AUTS2: variants seen among roughly 807,000 people sequenced by gnomAD.
The protein encoded by AUTS2 is autism susceptibility gene 2 protein.
AUTS2 carries 17 observed loss-of-function variants against 112.4 expected under a neutral mutation model. The ratio of observed to expected loss-of-function variants is 0.15; its 90% CI spans 0.10 to 0.23. The LOEUF (loss-of-function observed/expected upper bound fraction) is 0.23. Ranked by LOEUF, AUTS2 falls within the 10% of genes least tolerant of loss-of-function variation. The pLI, the probability that AUTS2 is intolerant of heterozygous loss-of-function variation, is 1.00. For synonymous variants in AUTS2, 751 were observed against 702.7 expected (o/e 1.07, Z -1.09); for missense variants, 1,510 against 1,701.6 (o/e 0.89, Z 1.98).
At chr7:70,460,674 G>C (rs1796927887) in intron 5 of AUTS2, among the ~76,000 whole-genome samples, 1 of 152,128 alleles carries the variant, frequency 6.6e-6, no homozygotes, top group Non-Finnish European at 1.5e-5. Flanking sequence ...AGTGGGGTCA[G>C]CTTCGGCTTC....
chr7:70,344,395 C>A (rs1791403645), intron 4 of AUTS2, among the ~76,000 whole-genome samples: 1 of 152,170 alleles, frequency 6.6e-6, no homozygotes, highest in Non-Finnish European at 1.5e-5. Context: ...TCCAATTTCT[C>A]ATATTCCTCA....
In AUTS2 at chr7:69,890,040, C is replaced by T. The variant is rs193080784; in HGVS notation, c.310-9246C>T. ...GGAGTTAATTTTTTTTTTAAGGTTT[C>T]CTTTTCGTCATGCTGTATTTCTCAG... On this transcript the variant is annotated intron_variant, in intron 1 of 18. Transcript: ENST00000342771. Among the ~76,000 whole-genome samples, 503 of 152,012 alleles carry T rather than the reference C, an allele frequency of 3.3e-3. 10 individuals carry two copies. The South Asian group carries it at 0.062, about 19-fold the overall frequency.
chr7:70,369,585 G>A (rs1792745180), intron 4 of AUTS2, among the ~76,000 whole-genome samples: 2 of 152,122 alleles, frequency 1.3e-5, no homozygotes, highest in African/African-American at 4.8e-5. Context: ...GCAAGAAGGA[G>A]AGTGGCCAGA....
At chr7:70,240,335 G>A (rs1255071374) in intron 4 of AUTS2, among the ~76,000 whole-genome samples, 2 of 152,186 alleles carry the variant, frequency 1.3e-5, no homozygotes, top group Non-Finnish European at 2.9e-5. Flanking sequence ...TCAACTCTTT[G>A]AGTCTGAGTT....
At chr7:70,223,076 A>G (rs1811570282) in intron 4 of AUTS2, among the ~76,000 whole-genome samples, 1 of 151,900 alleles carries the variant, frequency 6.6e-6, no homozygotes, top group South Asian at 2.1e-4. Context: ...TTTAGTAGAG[A>G]CGGGGTTTCA....
intron 5 of AUTS2, among the ~76,000 whole-genome samples, chr7:70,682,237 C>T (rs892643311): frequency 6.6e-6 from 1 of 152,196 alleles, no homozygotes; most frequent in Non-Finnish European, 1.5e-5. Context: ...TATGCTAATT[C>T]AGTTTCAGGT....
intron 2 of AUTS2, among the ~76,000 whole-genome samples, chr7:69,987,713 C>T (rs1798571856): frequency 6.6e-6 from 1 of 152,034 alleles, no homozygotes. Flanking sequence ...CAAGTGATAC[C>T]CCTGCCTTGG....
At chr7:70,770,342 A>T (rs1790257271) in intron 10 of AUTS2, among the ~76,000 whole-genome samples, 1 of 152,220 alleles carries the variant, frequency 6.6e-6, no homozygotes. Context: ...CAGAAAAAGG[A>T]CGTGCTCTGA....
intron 3 of AUTS2, chr7:70,118,860 C>T (rs1805529365): frequency 6.6e-6 from 1 of 152,182 alleles, no homozygotes; most frequent in Non-Finnish European, 1.5e-5. Flanking sequence ...TCTGTTTGCC[C>T]TCTAGATGTG....
chr7:70,301,139 T>A (rs1203712375), intron 4 of AUTS2, among the ~76,000 whole-genome samples: 1 of 152,232 alleles, frequency 6.6e-6, no homozygotes, highest in East Asian at 1.9e-4. Context: ...CTATAAGTTC[T>A]GTGTTATATT....
chr7:69,874,403 A>G (rs1168444406), intron 1 of AUTS2, among the ~76,000 whole-genome samples: 1 of 152,190 alleles, frequency 6.6e-6, no homozygotes. Context: ...GGAGATTGAA[A>G]TTGATTATTG....
chr7:70,047,137 A>G (rs1324875398), intron 2 of AUTS2, among the ~76,000 whole-genome samples: 4 of 152,228 alleles, frequency 2.6e-5, no homozygotes, highest in Non-Finnish European at 5.9e-5. Context: ...AAATTACCCC[A>G]TGGAATATAA....
At chr7:69,960,647 T>A (rs1797393082) in intron 2 of AUTS2, among the ~76,000 whole-genome samples, 1 of 152,178 alleles carries the variant, frequency 6.6e-6, no homozygotes, top group Non-Finnish European at 1.5e-5. Context: ...AAACATTTGT[T>A]GGAGAGATGA....
At chr7:69,726,413 C>G (rs593063) in intron 1 of AUTS2, among the ~76,000 whole-genome samples, 93,427 of 151,824 alleles carry the variant, frequency 0.62, 29,032 homozygotes, top group East Asian at 0.7. Flanking sequence ...TACAGATATA[C>G]CACAATTTGT....
intron 1 of AUTS2, among the ~76,000 whole-genome samples, chr7:69,726,610 A>G (rs1320099789): frequency 2.0e-5 from 3 of 151,112 alleles, no homozygotes; most frequent in Non-Finnish European, 4.4e-5. Context: ...GTTTAACTTT[A>G]TAAGAAACTG....
chr7:69,791,507 A>G (rs1281231635), intron 1 of AUTS2, among the ~76,000 whole-genome samples: 1 of 152,204 alleles, frequency 6.6e-6, no homozygotes, highest in African/African-American at 2.4e-5. Flanking sequence ...ACGTCGTTTC[A>G]TACATCTGCA....
intron 4 of AUTS2, among the ~76,000 whole-genome samples, chr7:70,243,224 T>C (rs981730471): frequency 3.5e-5 from 5 of 144,540 alleles, no homozygotes; most frequent in African/African-American, 7.8e-5. Context: ...GAGGAAAGAA[T>C]GTATCCTTGT....
intron 1 of AUTS2, among the ~76,000 whole-genome samples, chr7:69,871,660 C>T (rs1329228085): frequency 6.6e-6 from 1 of 152,168 alleles, no homozygotes; most frequent in East Asian, 1.9e-4. Context: ...GATCTGATAA[C>T]TGATCTGAGA....
At chr7:70,314,274 T>A (rs897830994) in intron 4 of AUTS2, among the ~76,000 whole-genome samples, 5 of 152,244 alleles carry the variant, frequency 3.3e-5, no homozygotes, top group Admixed American at 6.5e-5. Context: ...TAAGGAACAC[T>A]AGGCAGCCCC....
Sources: gnomAD v4.1 joint callset for allele counts (sites outside exome capture counted in the v4.1 genomes callset) on GRCh38, gnomAD v4.1.1 for gene constraint, MANE v1.5 for transcripts, NCBI Gene and HGNC (gene_info 2026-07-23, HGNC 2026-07-21) for gene names.